ORC5: variants seen among roughly 807,000 people sequenced by gnomAD.
The protein encoded by ORC5 is origin recognition complex subunit 5.
Under a neutral mutation model 58.8 loss-of-function variants are expected in ORC5, and 39 were observed. That is an observed-to-expected ratio of 0.66 (90% CI 0.51 to 0.87). ORC5 has a LOEUF of 0.87. Among genes scored for constraint, ORC5 ranks in the 40% least tolerant of loss-of-function variants. ORC5 has a pLI of 0.00. For missense variants in ORC5, 493 were observed against 506.3 expected (o/e 0.97, Z 0.25); for synonymous variants, 218 against 177.6 (o/e 1.23, Z -1.81).
chr7:104,207,833 C>T lies in ORC5; in HGVS notation c.72G>A (p.Glu24=). The part of the protein sequence containing the change: ...QVSILQSLFG[E]RHHFSFPSIF... The stretch of plus-strand genomic sequence containing the variant: ...CTGGAAGACAGTTTAACTACAATAC[C>T]TCTCCAAACAAGGACTGCAAGATGG... Residue 24 remains glutamate, a splice_region_variant and synonymous_variant, in exon 1 of 14, where the codon GAG becomes GAA. Coordinates refer to ENST00000297431, the MANE Select transcript of ORC5 (RefSeq NM_002553.4). The T allele has an allele frequency of 6.2e-7, 1 of 1,613,572 alleles. No individual in the cohort carries two copies. The highest frequency in any genetic ancestry group is 8.5e-7 in the Non-Finnish European group (1 of 1,179,474).
At chr7:104,197,878 C>T in intron 3 of ORC5, 79 bp from the exon 4 acceptor site, 1 of 861,384 alleles carries the variant, frequency 1.2e-6, no homozygotes, top group Admixed American at 2.7e-5. Flanking sequence ...GACTATGTCC[C>T]CCAAAGTTCA....
intron 8 of ORC5, among the ~76,000 whole-genome samples, chr7:104,169,043 C>A (rs565582731): frequency 6.6e-6 from 1 of 152,290 alleles, no homozygotes; most frequent in South Asian, 2.1e-4. Flanking sequence ...GATTGTGCCA[C>A]TGCACTCCAG....
intron 3 of ORC5, among the ~76,000 whole-genome samples, chr7:104,198,457 G>A (rs1274782098): frequency 6.6e-6 from 1 of 152,188 alleles, no homozygotes. Context: ...GTGGCATTTT[G>A]CCCCTGCCCT....
chr7:104,202,459 C>A, intron 2 of ORC5: 1 of 443,476 alleles, frequency 2.3e-6, no homozygotes, highest in Admixed American at 2.5e-5. Context: ...TCCACAACAT[C>A]TCTGTTATGA....
At chr7:104,170,928 T>C (rs1173098267) in intron 8 of ORC5, among the ~76,000 whole-genome samples, 1 of 152,192 alleles carries the variant, frequency 6.6e-6, no homozygotes. Flanking sequence ...AGTTTTGTTC[T>C]CTTGATTATT....
At chr7:104,185,517 G>A (rs1017684233) in intron 6 of ORC5, among the ~76,000 whole-genome samples, 3 of 151,946 alleles carry the variant, frequency 2.0e-5, no homozygotes, top group African/African-American at 4.8e-5. Context: ...ATTGAGTTTC[G>A]TATGACTCAA....
At chr7:104,183,635 G>C (rs985120906) in intron 8 of ORC5, among the ~76,000 whole-genome samples, 1 of 152,182 alleles carries the variant, frequency 6.6e-6, no homozygotes, top group Non-Finnish European at 1.5e-5. Flanking sequence ...ACCTCCATGA[G>C]GACATCTGCC....
rs529877108 is a variant in ORC5, at chr7:104,193,798, T to G, written c.553+1345A>C. On this transcript the variant is annotated intron_variant, in intron 5 of 13. Coordinates refer to ENST00000297431, the MANE Select transcript of ORC5 (RefSeq NM_002553.4). ...AATTTAACTTGGCTCCATTATTATA[T>G]ACTTTGCAAAAATCTATTATCCTAT... Among the ~76,000 whole-genome samples, 4 of 151,792 alleles carry G rather than the reference T, an allele frequency of 2.6e-5. No homozygotes were observed. The East Asian group carries it at 7.7e-4, about 29-fold the overall frequency.
chr7:104,129,508 C>T lies in ORC5; in HGVS notation c.1263-2615G>A, dbSNP rs1441753211. Among the ~76,000 whole-genome samples the T allele has an allele frequency of 6.6e-6, 1 of 152,064 alleles. No homozygotes were observed. Among genetic ancestry groups the T allele is most frequent in the African/African-American group, 2.4e-5 (1 of 41,392 alleles). On this transcript the variant is annotated intron_variant, in intron 13 of 13. Coordinates refer to ENST00000297431, the MANE Select transcript of ORC5 (RefSeq NM_002553.4). The surrounding 1 kb of genome is among the most constrained non-coding windows in gnomAD (Gnocchi z 4.9). Reference sequence around the variant, plus strand: ...CCCCCAATATAAATAGGTAACTTGCCAATTGATCTCACATATATTATTTTA... The same window carrying T: ...CCCCCAATATAAATAGGTAACTTGCTAATTGATCTCACATATATTATTTTA...
intron 8 of ORC5, among the ~76,000 whole-genome samples, chr7:104,173,616 T>G (rs1189944719): frequency 1.3e-5 from 2 of 152,214 alleles, no homozygotes; most frequent in Non-Finnish European, 2.9e-5. Flanking sequence ...AGGATCTCAT[T>G]AAGGGCACCT....
At chr7:104,166,101 T>C (rs1799103032) in intron 10 of ORC5, among the ~76,000 whole-genome samples, 1 of 151,976 alleles carries the variant, frequency 6.6e-6, no homozygotes, top group African/African-American at 2.4e-5. Flanking sequence ...TAAATATAAA[T>C]TGTTGTAAGT....
At chr7:104,187,311 G>C (rs931794941) in intron 6 of ORC5, among the ~76,000 whole-genome samples, 2 of 152,176 alleles carry the variant, frequency 1.3e-5, no homozygotes, top group Admixed American at 6.5e-5. Context: ...GAAGATGTCT[G>C]AAATCTACAT....
At chr7:104,159,150 A>C (rs1243119031) in intron 12 of ORC5, among the ~76,000 whole-genome samples, 6 of 151,030 alleles carry the variant, frequency 4.0e-5, no homozygotes, top group African/African-American at 1.5e-4. Context: ...TGCAGCCATA[A>C]AAAATGATGA....
At chr7:104,187,069 G>C (rs943145198) in intron 6 of ORC5, among the ~76,000 whole-genome samples, 1 of 152,056 alleles carries the variant, frequency 6.6e-6, no homozygotes, top group African/African-American at 2.4e-5. Context: ...ATTCCCACAG[G>C]ATTCGAGTGC....
intron 8 of ORC5, among the ~76,000 whole-genome samples, chr7:104,175,153 C>A (rs950409178): frequency 2.0e-5 from 3 of 152,154 alleles, no homozygotes; most frequent in African/African-American, 7.2e-5. Context: ...AGAATTCTTT[C>A]TTCTGGGAAG....
In ORC5 at chr7:104,129,043, A is replaced by C. The variant is rs555279530; in HGVS notation, c.1263-2150T>G. Among the ~76,000 whole-genome samples the C allele has an allele frequency of 3.3e-5, 5 of 152,274 alleles. 1 individual carries two copies. The highest frequency in any genetic ancestry group is 1.2e-4 in the African/African-American group (5 of 41,582). On this transcript the variant is annotated intron_variant, in intron 13 of 13. Coordinates refer to ENST00000297431, the MANE Select transcript of ORC5 (RefSeq NM_002553.4). The surrounding 1 kb of genome is among the most constrained non-coding windows in gnomAD (Gnocchi z 4.9). ...CAGCCATACAAAATGATCAATATGA[A>C]GATATACCAGCAATATTAAGGGAGA...
chr7:104,182,081 A>G (rs1401260318), intron 8 of ORC5, among the ~76,000 whole-genome samples: 1 of 152,186 alleles, frequency 6.6e-6, no homozygotes, highest in African/African-American at 2.4e-5. Context: ...TAGATTCTAA[A>G]TTCTTCTAGG....
chr7:104,203,014 T>C (rs1249470805), intron 2 of ORC5, among the ~76,000 whole-genome samples: 2 of 152,202 alleles, frequency 1.3e-5, no homozygotes, highest in Non-Finnish European at 2.9e-5. Flanking sequence ...CAGGGGGGCA[T>C]CTGATACAGC....
chr7:104,157,236 T>C (rs1387076326), intron 12 of ORC5, among the ~76,000 whole-genome samples: 1 of 152,072 alleles, frequency 6.6e-6, no homozygotes, highest in Non-Finnish European at 1.5e-5. Flanking sequence ...ATATATGTTA[T>C]TAGATTTTCT....
Sources: gnomAD v4.1 joint callset for allele counts (sites outside exome capture counted in the v4.1 genomes callset) on GRCh38, gnomAD v4.1.1 for gene constraint, Gnocchi (gnomAD v3.1) non-coding constraint, MANE v1.5 for transcripts, NCBI Gene and HGNC (gene_info 2026-07-23, HGNC 2026-07-21) for gene names.